The following MBD2 variants were observed in gnomAD, a reference collection of about 807,000 sequenced individuals.
The protein encoded by MBD2 is methyl-CpG binding domain protein 2.
In MBD2, 9 loss-of-function variants were observed where a neutral mutation model predicts 39.3. That is an observed-to-expected ratio of 0.23 (90% CI 0.14 to 0.40). The LOEUF is 0.40. Among genes scored for constraint, MBD2 ranks in the 10% least tolerant of loss-of-function variants. MBD2 has a pLI of 1.00. For missense variants in MBD2, 458 were observed against 532.6 expected (o/e 0.86, Z 1.38); for synonymous variants, 233 against 211.1 (o/e 1.10, Z -0.90).
At chr18:54,158,624 T>C (rs972507909) in intron 6 of MBD2, among the ~76,000 whole-genome samples, 1 of 152,122 alleles carries the variant, frequency 6.6e-6, no homozygotes, top group African/African-American at 2.4e-5. Context: ...AAAATGTGCA[T>C]TTTTGTTGCT....
At chr18:54,181,369 T>G (rs934165573) in intron 3 of MBD2, among the ~76,000 whole-genome samples, 9 of 152,232 alleles carry the variant, frequency 5.9e-5, no homozygotes, top group African/African-American at 2.2e-4. Flanking sequence ...ATTCATATTT[T>G]ATTATTTTTA....
At chr18:54,207,263 AAGG>A (rs1031709963) in intron 1 of MBD2, among the ~76,000 whole-genome samples, 2 of 152,208 alleles carry the variant, frequency 1.3e-5, no homozygotes, top group Admixed American at 1.3e-4. Flanking sequence ...TTCCAGATGG[AAGG>A]AGGAGCACAG....
intron 1 of MBD2, among the ~76,000 whole-genome samples, chr18:54,209,789 G>A (rs1362497354): frequency 1.3e-5 from 2 of 152,188 alleles, no homozygotes; most frequent in African/African-American, 4.8e-5. Flanking sequence ...CTGACCCTGG[G>A]AGAGGCAAAC....
intron 3 of MBD2, among the ~76,000 whole-genome samples, chr18:54,176,591 G>A (rs1271724539): frequency 2.6e-5 from 4 of 152,206 alleles, no homozygotes; most frequent in Non-Finnish European, 4.4e-5. Context: ...TTAGGGCTAC[G>A]TGGATGAATG....
chr18:54,191,769 C>A (rs1458242144), intron 2 of MBD2, among the ~76,000 whole-genome samples: 1 of 152,198 alleles, frequency 6.6e-6, no homozygotes, highest in Non-Finnish European at 1.5e-5. Context: ...CACAACACAG[C>A]CCTCCTGTTT....
intron 1 of MBD2, among the ~76,000 whole-genome samples, chr18:54,222,668 T>C (rs535127305): frequency 1.3e-5 from 2 of 152,324 alleles, no homozygotes; most frequent in South Asian, 4.1e-4. Flanking sequence ...GGTTTCAAGA[T>C]GAGGGTCCAG....
chr18:54,185,790 T>C (rs941126466), intron 3 of MBD2, among the ~76,000 whole-genome samples: 2 of 152,140 alleles, frequency 1.3e-5, no homozygotes, highest in African/African-American at 4.8e-5. Context: ...ACACTGATGC[T>C]ATATACAAAA....
intron 3 of MBD2, among the ~76,000 whole-genome samples, chr18:54,186,657 A>G (rs747441716): frequency 7.9e-5 from 12 of 152,308 alleles, no homozygotes; most frequent in South Asian, 2.1e-4. Flanking sequence ...CAATTCTTAC[A>G]TTGATGATAA....
chr18:54,204,366 C>G (rs1030071787), intron 2 of MBD2, among the ~76,000 whole-genome samples: 7 of 152,196 alleles, frequency 4.6e-5, no homozygotes, highest in Admixed American at 3.3e-4. Context: ...GCTTAAGTAT[C>G]TCTCATCTGA....
intron 5 of MBD2, among the ~76,000 whole-genome samples, chr18:54,160,900 C>T (rs750679786): frequency 6.6e-6 from 1 of 150,766 alleles, no homozygotes; most frequent in Non-Finnish European, 1.5e-5. Flanking sequence ...GCTCTTGAGA[C>T]CAGAAGAAAG....
chr18:54,168,848 G>A (rs1200561207), intron 3 of MBD2, among the ~76,000 whole-genome samples: 2 of 151,822 alleles, frequency 1.3e-5, no homozygotes, highest in Admixed American at 1.3e-4. Flanking sequence ...GTCCTCAGGC[G>A]GTAAATGTCT....
Position 54,164,465 on chromosome 18 carries a change from A to ACT in MBD2, c.1109+57_1109+58insAG. 4 of 1,517,098 alleles carry ACT rather than the reference A, an allele frequency of 2.6e-6. No homozygotes were observed. The African/African-American group carries it at 5.5e-5, about 21-fold the overall frequency. 94.0% of individuals were successfully genotyped at this position (1,517,098 alleles called of 1,614,324 possible). ...TATGCCACTGAACCTAATGAACAGTAAAAAATTTACCCAAACGTAAAAACC... is the reference window on the plus strand; with the variant it reads ...TATGCCACTGAACCTAATGAACAGTACTAAAAATTTACCCAAACGTAAAAACC... On this transcript the variant is annotated intron_variant, in intron 5 of 6. Coordinates refer to ENST00000256429, the MANE Select transcript of MBD2 (RefSeq NM_003927.5).
At chr18:54,186,320 G>A (rs2086286223) in intron 3 of MBD2, among the ~76,000 whole-genome samples, 2 of 152,066 alleles carry the variant, frequency 1.3e-5, no homozygotes, top group South Asian at 2.1e-4. Context: ...TTCTCCAATT[G>A]GAATATTTGG....
At chr18:54,167,356 T>G (rs140225840) in intron 3 of MBD2, among the ~76,000 whole-genome samples, 2 of 152,198 alleles carry the variant, frequency 1.3e-5, no homozygotes, top group South Asian at 4.1e-4. Context: ...CATCTCTAGA[T>G]AGACGACCTT....
intron 3 of MBD2, among the ~76,000 whole-genome samples, chr18:54,175,047 AG>A (rs1354665576): frequency 3.3e-5 from 5 of 152,258 alleles, no homozygotes; most frequent in Admixed American, 3.3e-4. Context: ...TGAAAACTGG[AG>A]AAAATTCACC....
intron 3 of MBD2, among the ~76,000 whole-genome samples, chr18:54,177,374 T>A (rs1384396258): frequency 6.6e-6 from 1 of 152,254 alleles, no homozygotes; most frequent in Non-Finnish European, 1.5e-5. Context: ...CCCACTCGAC[T>A]GCAGGAACTT....
chr18:54,158,531 A>G (rs900936458), intron 6 of MBD2, among the ~76,000 whole-genome samples: 2 of 152,184 alleles, frequency 1.3e-5, no homozygotes, highest in Non-Finnish European at 2.9e-5. Flanking sequence ...AGAAAGCCTT[A>G]AGATCTGCAC....
intron 5 of MBD2, among the ~76,000 whole-genome samples, chr18:54,160,650 T>TAAAA (rs574101659): frequency 1.3e-5 from 1 of 74,528 alleles, no homozygotes; most frequent in South Asian, 3.6e-4. Flanking sequence ...CTTTAAAAAG[T>TAAAA]AAAAAAAAAA....
chr18:54,172,991 T>C (rs1285230154), intron 3 of MBD2, among the ~76,000 whole-genome samples: 1 of 152,212 alleles, frequency 6.6e-6, no homozygotes, highest in African/African-American at 2.4e-5. Context: ...ACATTGCTGA[T>C]CATACAATAG....
Sources: gnomAD v4.1 joint callset for allele counts (sites outside exome capture counted in the v4.1 genomes callset) on GRCh38, gnomAD v4.1.1 for gene constraint, MANE v1.5 for transcripts, NCBI Gene and HGNC (gene_info 2026-07-23, HGNC 2026-07-21) for gene names.